RALGAPA2: variants seen among roughly 807,000 people sequenced by gnomAD.
RALGAPA2 encodes Ral GTPase activating protein catalytic subunit alpha 2, also known as ral GTPase-activating protein subunit alpha-2.
RALGAPA2 carries 139 observed loss-of-function variants against 230.4 expected under a neutral mutation model. The observed-to-expected ratio is 0.60, with a 90% CI of 0.53 to 0.69. The LOEUF is 0.69. RALGAPA2 is among the 30% of genes least tolerant of loss of function. The pLI is 0.00. For synonymous variants in RALGAPA2, 847 were observed against 837.8 expected, an observed-to-expected ratio of 1.01 and a Z score of -0.19; for missense variants, 2,163 against 2,276.0, an observed-to-expected ratio of 0.95 and a Z score of 1.01.
At chr20:20,614,188 T>C (rs1603065686) in intron 13 of RALGAPA2, among the ~76,000 whole-genome samples, 2 of 152,204 alleles carry the variant, frequency 1.3e-5, no homozygotes, top group African/African-American at 2.4e-5. Context: ...TCACACTCTT[T>C]TCTATGCTCT....
intron 3 of RALGAPA2, among the ~76,000 whole-genome samples, chr20:20,666,652 C>T (rs2067964843): frequency 6.6e-6 from 1 of 152,166 alleles, no homozygotes; most frequent in South Asian, 2.1e-4. Flanking sequence ...GAAACTGTGG[C>T]AACTAGTTAA....
chr20:20,694,991 G>C (rs1042907708), intron 1 of RALGAPA2, among the ~76,000 whole-genome samples: 1 of 152,072 alleles, frequency 6.6e-6, no homozygotes, highest in South Asian at 2.1e-4. Context: ...TGTTTTGGGG[G>C]GTACTTCCAG....
chr20:20,636,657 G>A (rs1282454972), intron 8 of RALGAPA2, among the ~76,000 whole-genome samples: 2 of 151,848 alleles, frequency 1.3e-5, no homozygotes, highest in African/African-American at 2.4e-5. Context: ...GTAACATCTC[G>A]TGTCACCACT....
At chr20:20,535,078 C>T (rs2063465225) in intron 26 of RALGAPA2, among the ~76,000 whole-genome samples, 1 of 152,162 alleles carries the variant, frequency 6.6e-6, no homozygotes. Flanking sequence ...GAATGATGGG[C>T]TGCTGTCTTG....
chr20:20,540,415 A>C (rs1296101208), intron 24 of RALGAPA2, among the ~76,000 whole-genome samples: 2 of 152,266 alleles, frequency 1.3e-5, no homozygotes, highest in Non-Finnish European at 2.9e-5. Context: ...ATAACATTAC[A>C]TAACATTGAT....
intron 16 of RALGAPA2, among the ~76,000 whole-genome samples, chr20:20,594,952 C>T (rs2065407196): frequency 6.6e-6 from 1 of 152,056 alleles, no homozygotes; most frequent in Non-Finnish European, 1.5e-5. Flanking sequence ...GATCTCCTGA[C>T]CTCATGATCC....
At chr20:20,639,955 A>C (rs2066978291) in intron 6 of RALGAPA2, 55 bp from the exon 7 acceptor site, 1 of 1,348,034 alleles carries the variant, frequency 7.4e-7, no homozygotes, top group Middle Eastern at 1.8e-4. Context: ...TTTTAAACAG[A>C]ATTTAGGGTT....
At chr20:20,652,267 A>G (rs549312516) in intron 4 of RALGAPA2, among the ~76,000 whole-genome samples, 1 of 152,280 alleles carries the variant, frequency 6.6e-6, no homozygotes, top group South Asian at 2.1e-4. Flanking sequence ...CTTTGTACAT[A>G]TTGATCTCCC....
chr20:20,435,964 T>A (rs1408320709), intron 37 of RALGAPA2, among the ~76,000 whole-genome samples: 1 of 152,250 alleles, frequency 6.6e-6, no homozygotes, highest in Non-Finnish European at 1.5e-5. Flanking sequence ...CCATAAATAC[T>A]GTAGCTGCTC....
intron 37 of RALGAPA2, among the ~76,000 whole-genome samples, chr20:20,441,946 T>G (rs917363825): frequency 1.3e-5 from 2 of 152,330 alleles, no homozygotes; most frequent in East Asian, 3.9e-4. Context: ...GAAAAAAAAT[T>G]TACTGTTTTT....
At chr20:20,559,848 T>A (rs1314791578) in intron 23 of RALGAPA2, among the ~76,000 whole-genome samples, 1 of 152,206 alleles carries the variant, frequency 6.6e-6, no homozygotes, top group East Asian at 1.9e-4. Context: ...TGAAAATGCA[T>A]CATGCCCTGT....
intron 38 of RALGAPA2, among the ~76,000 whole-genome samples, chr20:20,405,523 A>G (rs1405112758): frequency 1.3e-5 from 2 of 152,250 alleles, no homozygotes; most frequent in African/African-American, 2.4e-5. Flanking sequence ...CAAGCAAATG[A>G]AAAGAATGCT....
chr20:20,452,890 G>T (rs2123178661), intron 37 of RALGAPA2, among the ~76,000 whole-genome samples: 1 of 152,320 alleles, frequency 6.6e-6, no homozygotes, highest in Non-Finnish European at 1.5e-5. Context: ...TGATGGAGAG[G>T]TGTTGACCAG....
intron 38 of RALGAPA2, among the ~76,000 whole-genome samples, chr20:20,411,106 G>A (rs2060051034): frequency 6.6e-6 from 1 of 152,152 alleles, no homozygotes; most frequent in African/African-American, 2.4e-5. Flanking sequence ...GAGAAGTAAG[G>A]CAGTGTTCAG....
At chr20:20,565,558 T>C (rs1479206612) in intron 23 of RALGAPA2, among the ~76,000 whole-genome samples, 1 of 152,120 alleles carries the variant, frequency 6.6e-6, no homozygotes, top group African/African-American at 2.4e-5. Context: ...TGAGAGGGGG[T>C]TGTAACACCC....
chr20:20,612,847 A>G (rs1282358524), intron 13 of RALGAPA2, among the ~76,000 whole-genome samples: 1 of 152,166 alleles, frequency 6.6e-6, no homozygotes, highest in South Asian at 2.1e-4. Context: ...ACCTAGTATC[A>G]CCACTGCCCA....
chr20:20,648,145 T>C (rs2067278735), intron 4 of RALGAPA2, among the ~76,000 whole-genome samples: 1 of 152,218 alleles, frequency 6.6e-6, no homozygotes, highest in African/African-American at 2.4e-5. Flanking sequence ...TGGAATACTG[T>C]ACTACTCAGA....
At chr20:20,456,623 T>G (rs1002305274) in intron 37 of RALGAPA2, among the ~76,000 whole-genome samples, 2 of 152,244 alleles carry the variant, frequency 1.3e-5, no homozygotes, top group Non-Finnish European at 2.9e-5. Flanking sequence ...GCCTGACTGC[T>G]GCGAGAAGAC....
At chr20:20,646,108 G>A (rs116059512) in intron 4 of RALGAPA2, among the ~76,000 whole-genome samples, 245 of 151,634 alleles carry the variant, frequency 1.6e-3, no homozygotes, top group African/African-American at 5.8e-3. Context: ...AAACTGGAGT[G>A]CAGTGGCGCG....
Sources: gnomAD v4.1 joint callset for allele counts (sites outside exome capture counted in the v4.1 genomes callset) on GRCh38, gnomAD v4.1.1 for gene constraint, MANE v1.5 for transcripts, NCBI Gene and HGNC (gene_info 2026-07-23, HGNC 2026-07-21) for gene names.